ARL14EPL: variants seen among roughly 807,000 people sequenced by gnomAD.
ARL14EPL encodes the protein ARL14 effector protein-like.
Under a neutral mutation model 15.9 loss-of-function variants are expected in ARL14EPL, and 17 were observed. That is an observed-to-expected ratio of 1.07 (90% confidence interval 0.73 to 1.60). ARL14EPL has a LOEUF of 1.60. Among genes scored for constraint, ARL14EPL ranks in the 40% most tolerant of loss-of-function variants. The pLI, the probability that ARL14EPL is intolerant of heterozygous loss-of-function variation, is 0.00. For missense variants in ARL14EPL, 214 were observed against 185.9 expected (o/e 1.15, Z -0.88); for synonymous variants, 78 against 63.8 (o/e 1.22, Z -1.06).
chr5:116,053,934 A>G (rs762802177), intron 2 of ARL14EPL, 80 bp from the exon 3 acceptor site: 2 of 1,263,286 alleles, frequency 1.6e-6, no homozygotes, highest in Non-Finnish European at 2.1e-6. Context: ...GGTGAAAGTT[A>G]CAGAAAGTTC....
rs1749588703 is a variant in ARL14EPL at position 116,059,060 on chromosome 5, C to T, written c.*113C>T. 2.1e-6 allele frequency: 2 copies of T among 963,976 alleles called. No homozygotes were observed. Among genetic ancestry groups the T allele is most frequent in the Non-Finnish European group, 3.1e-6 (2 of 645,666 alleles). 59.7% of individuals were successfully genotyped at this position (963,976 alleles called of 1,614,324 possible). On this transcript the variant is annotated 3_prime_UTR_variant, in exon 4 of 4. Coordinates refer to ENST00000686077, the MANE Select transcript of ARL14EPL (RefSeq NM_001195581.2). The stretch of plus-strand genomic sequence containing the variant: ...AAATATCGAAAAAACATACTGAAGA[C>T]TCATGTTCTGTCAAGCCCCAGAACA...
intron 2 of ARL14EPL, chr5:116,051,982 C>T (rs1360138093): frequency 4.3e-6 from 7 of 1,611,870 alleles, no homozygotes; most frequent in African/African-American, 1.3e-5. Context: ...GAGCTCTGTG[C>T]TTTGAAACCA....
chr5:116,058,924 C>T lies in ARL14EPL; in HGVS notation c.436C>T (p.Leu146=). 1 of 1,536,034 alleles carries T rather than the reference C, an allele frequency of 6.5e-7. No individual in the cohort carries two copies. The highest frequency in any genetic ancestry group is 8.7e-7 in the Non-Finnish European group (1 of 1,146,860). ...TGAGTCAGGAGAGGTCATCAGCACG[C>T]TGCCGTTTAATGTTCCTGACTAGGT... ...VTESGEVIST[L]PFNVPD is the part of the protein sequence containing the mutation. Residue 146 remains leucine (L), a synonymous_variant, in exon 4 of 4, where the codon CTG becomes TTG. Transcript: ENST00000686077.
chr5:116,045,008 G>A (rs192738881), intron 1 of ARL14EPL, among the ~76,000 whole-genome samples: 1 of 152,238 alleles, frequency 6.6e-6, no homozygotes, highest in East Asian at 1.9e-4. Context: ...ACATGAAGAA[G>A]CAGGGAGTAA....
intron 2 of ARL14EPL, chr5:116,052,109 T>C: frequency 6.2e-7 from 1 of 1,613,024 alleles, no homozygotes; most frequent in South Asian, 1.1e-5. Flanking sequence ...GGGAACTTCC[T>C]TACAGAGTTT....
chr5:116,042,997 C>A (rs1749193000), intron 1 of ARL14EPL, among the ~76,000 whole-genome samples: 1 of 152,054 alleles, frequency 6.6e-6, no homozygotes, highest in South Asian at 2.1e-4. Context: ...GTACTATGTA[C>A]TACGGTACTT....
intron 1 of ARL14EPL, among the ~76,000 whole-genome samples, chr5:116,036,038 C>T (rs1257093382): frequency 2.6e-5 from 4 of 152,208 alleles, no homozygotes; most frequent in Non-Finnish European, 5.9e-5. Flanking sequence ...ATGTGGTTTA[C>T]ATAGTCCGAG....
chr5:116,051,332 A>T, intron 1 of ARL14EPL, 125 bp from the exon 2 acceptor site: 1 of 644,178 alleles, frequency 1.6e-6, no homozygotes, highest in Non-Finnish European at 2.6e-6. Context: ...AGGTTCTGGG[A>T]GTACAGATAC....
At chr5:116,050,907 G>T (rs1277838966) in intron 1 of ARL14EPL, among the ~76,000 whole-genome samples, 1 of 151,600 alleles carries the variant, frequency 6.6e-6, no homozygotes, top group East Asian at 1.9e-4. Flanking sequence ...GAAGAAGTAA[G>T]TTACAGGCAT....
chr5:116,054,779 C>G (rs906260062), intron 3 of ARL14EPL, among the ~76,000 whole-genome samples: 3 of 151,630 alleles, frequency 2.0e-5, no homozygotes, highest in Admixed American at 1.3e-4. Flanking sequence ...TGCAGTGAGC[C>G]GAAACCATGC....
chr5:116,034,921 G>T (rs1018006266), intron 1 of ARL14EPL, among the ~76,000 whole-genome samples: 2 of 152,184 alleles, frequency 1.3e-5, no homozygotes, highest in Admixed American at 1.3e-4. Context: ...TCAAAACGGG[G>T]GAATAATGGG....
intron 1 of ARL14EPL, among the ~76,000 whole-genome samples, chr5:116,040,979 C>CAAAAAAAAAAAAAAAAAA (rs56060606): frequency 0.011 from 713 of 65,676 alleles, 73 homozygotes; most frequent in Middle Eastern, 0.027. Flanking sequence ...GATTCCCTCT[C>CAAAAAAAAAAAAAAAAAA]AAAAAAAAAA....
chr5:116,040,965 A>G (rs1303048624), intron 1 of ARL14EPL, among the ~76,000 whole-genome samples: 8 of 139,664 alleles, frequency 5.7e-5, no homozygotes, highest in African/African-American at 2.4e-4. Context: ...GGGAGACAGA[A>G]CGAGATTCCC....
At chr5:116,041,778 C>A (rs771586980) in intron 1 of ARL14EPL, among the ~76,000 whole-genome samples, 1 of 152,084 alleles carries the variant, frequency 6.6e-6, no homozygotes, top group Non-Finnish European at 1.5e-5. Flanking sequence ...AGTTTTTCCC[C>A]GTGCATTTTT....
chr5:116,051,575 A>G lies in ARL14EPL; in HGVS notation c.96+14A>G. 6.6e-7 allele frequency: 1 copy of G among 1,509,952 alleles called. No individual in the cohort carries two copies. The allele number at this position is 1,509,952 out of a possible 1,614,324, so 93.5% of individuals were successfully genotyped here. A position where few individuals can be genotyped will look rare whatever the true frequency, so the allele number is the denominator to read the frequency against. On this transcript the variant is annotated intron_variant, in intron 2 of 3. Transcript: ENST00000686077. ...CAGAAACAACTGGTATGGCACACAG[A>G]TTCTATGATTCCATGCTACTGGGGA... is the stretch of plus-strand genomic sequence containing the variant.
chr5:116,053,987 C>A, intron 2 of ARL14EPL, 27 bp from the exon 3 acceptor site: 1 of 1,516,480 alleles, frequency 6.6e-7, no homozygotes, highest in Non-Finnish European at 8.8e-7. Flanking sequence ...CTGGTTCTTA[C>A]TATTAATACA....
chr5:116,042,725 G>C (rs970737030), intron 1 of ARL14EPL, among the ~76,000 whole-genome samples: 4 of 152,082 alleles, frequency 2.6e-5, no homozygotes, highest in African/African-American at 9.7e-5. Context: ...CCCCTCCCTG[G>C]ATACTTATAA....
chr5:116,053,905 T>C lies in ARL14EPL; in HGVS notation c.97-109T>C, dbSNP rs767549883. ...CGTTTATGTCTTTGTGTAAAACATA[T>C]ATACTTTCATGCCTTTATGGTGAAA... On this transcript the variant is annotated intron_variant, in intron 2 of 3. Coordinates refer to ENST00000686077, the MANE Select transcript of ARL14EPL (RefSeq NM_001195581.2). 5.6e-5 allele frequency: 50 copies of C among 892,758 alleles called. 1 individual carries two copies. The Admixed American group carries it at 5.6e-4, about 10-fold the overall frequency. The allele number at this position is 892,758 out of a possible 1,614,324, so 55.3% of individuals were successfully genotyped here.
chr5:116,039,804 A>T (rs1203516748), intron 1 of ARL14EPL, among the ~76,000 whole-genome samples: 1 of 152,226 alleles, frequency 6.6e-6, no homozygotes, highest in African/African-American at 2.4e-5. Flanking sequence ...GCAGACATCA[A>T]TGATAACATG....
Sources: allele counts gnomAD v4.1 joint callset (sites outside exome capture counted in the v4.1 genomes callset), GRCh38; gene constraint gnomAD v4.1.1; transcripts MANE v1.5; gene names NCBI Gene and HGNC (gene_info 2026-07-23, HGNC 2026-07-21).